Variants in SPACA6 observed in about 807,000 individuals in gnomAD.
SPACA6 encodes sperm acrosome membrane-associated protein 6.
For synonymous variants in SPACA6, 6 were observed against 1.5 expected (o/e 4.05, Z -2.21); for missense variants, 8 against 2.8 (o/e 2.88, Z -1.34).
At chr19:51,705,989 C>T (rs974348390), downstream of SPACA6, among the ~76,000 whole-genome samples, 1 of 152,218 alleles carries the variant, frequency 6.6e-6, no homozygotes, top group Admixed American at 6.5e-5. Flanking sequence ...AGCCACCAAG[C>T]CCGGCCAAGG....
At chr19:51,702,696 G>C (rs2083478723) in intron 4 of SPACA6, 44 bp downstream of exon 4, 1 of 399,064 alleles carries the variant, frequency 2.5e-6, no homozygotes, top group African/African-American at 2.1e-5. Context: ...GGTAAGGGAG[G>C]CGGTCGGGGA....
At chr19:51,690,488 C>G (rs959498163), upstream of SPACA6, among the ~76,000 whole-genome samples, 1 of 152,102 alleles carries the variant, frequency 6.6e-6, no homozygotes, top group African/African-American at 2.4e-5. Context: ...CTCTTTAGCC[C>G]CAGCTGGAGT....
upstream of SPACA6, chr19:51,693,203 C>A (rs2083390734): frequency 6.9e-6 from 4 of 575,576 alleles, no homozygotes; most frequent in East Asian, 1.4e-4. Flanking sequence ...CTGTGCCTAT[C>A]TCCATCTCTG....
upstream of SPACA6, among the ~76,000 whole-genome samples, chr19:51,684,850 G>A (rs563991490): frequency 1.5e-4 from 23 of 152,320 alleles, no homozygotes; most frequent in East Asian, 5.8e-4. Flanking sequence ...AGATCATCTC[G>A]TGATTTTAGG....
In SPACA6 at chr19:51,703,933, A is replaced by G. The variant is rs1417071993; in HGVS notation, c.574-97A>G. 7.6e-6 allele frequency: 3 copies of G among 396,196 alleles called. No homozygotes were observed. Among genetic ancestry groups the G allele is most frequent in the South Asian group, 1.4e-4 (1 of 7,180 alleles). The allele number at this position is 396,196 out of a possible 1,614,324, so 24.5% of individuals were successfully genotyped here. The stretch of plus-strand genomic sequence containing the variant: ...GGGGGCGGGCTCAAGGCTCAGGGCC[A>G]GGACTCCAGGGGGCGTGGTCTGGCT... On this transcript the variant is annotated intron_variant, in intron 6 of 8. Transcript: ENST00000637797. This position sits in a 1 kb window ranked among gnomAD's most constrained non-coding sequence, Gnocchi z 4.2.
chr19:51,694,080 A>C, intron 1 of SPACA6: 1 of 246,774 alleles, frequency 4.1e-6, no homozygotes, highest in Non-Finnish European at 7.3e-6. Context: ...GACACTCGGG[A>C]GGATGGAGAG....
At chr19:51,693,129 A>G (rs1173220127), upstream of SPACA6, 9 of 389,154 alleles carry the variant, frequency 2.3e-5, no homozygotes, top group Non-Finnish European at 4.7e-5. Context: ...GCCCCTCCCG[A>G]TATCTCTCTG....
chr19:51,685,873 T>A (rs2083326027), upstream of SPACA6: 1 of 152,214 alleles, frequency 6.6e-6, no homozygotes, highest in Non-Finnish European at 1.5e-5. Context: ...TGGAATGAAA[T>A]TTTTCACTTC....
chr19:51,688,357 T>C (rs577500381), upstream of SPACA6: 1 of 152,956 alleles, frequency 6.5e-6, no homozygotes, highest in African/African-American at 2.4e-5. Context: ...TCTCTGGAGG[T>C]CCTCTCTGCC....
At chr19:51,698,891 A>G (rs1187045568) in intron 2 of SPACA6, among the ~76,000 whole-genome samples, 1 of 152,214 alleles carries the variant, frequency 6.6e-6, no homozygotes, top group Non-Finnish European at 1.5e-5. Context: ...AAGACTTAAT[A>G]TCCCAGGGAG....
In SPACA6 at chr19:51,693,669, G is replaced by A. The variant is rs1326247292; in HGVS notation, c.143G>A (p.Arg48Gln). 9.7e-6 allele frequency: 4 copies of A among 413,386 alleles called. No individual in the cohort carries two copies. Among genetic ancestry groups the A allele is most frequent in the South Asian group, 1.1e-4 (1 of 9,386 alleles). The allele number at this position is 413,386 out of a possible 1,614,324, so 25.6% of individuals were successfully genotyped here. Residue 48 changes from arginine to glutamine, a missense_variant, in exon 1 of 9, where the codon CGG becomes CAG. Coordinates refer to ENST00000637797, the MANE Select transcript of SPACA6 (RefSeq NM_001316972.2). ...ATCTGCCAGATGTTTGTTGGGATGC[G>A]GAGCCCCAAGCTTGAAGAGTGTGAG... ...LRICQMFVGM[R>Q]SPKLEECEEA...
At chr19:51,705,337 C>A, downstream of SPACA6, 1 of 375,966 alleles carries the variant, frequency 2.7e-6, no homozygotes, top group East Asian at 3.8e-5. Flanking sequence ...CCCAGATACC[C>A]CCTCAGGTTA....
At chr19:51,702,302 CG>C (rs2083474876) in intron 3 of SPACA6, among the ~76,000 whole-genome samples, 3 of 152,138 alleles carry the variant, frequency 2.0e-5, no homozygotes. Flanking sequence ...CTGCAAGGAT[CG>C]CCCAGGATCT....
At chr19:51,691,137 C>G (rs1035041504), upstream of SPACA6, among the ~76,000 whole-genome samples, 1 of 151,792 alleles carries the variant, frequency 6.6e-6, no homozygotes, top group Non-Finnish European at 1.5e-5. Flanking sequence ...TCAAACCACC[C>G]CCACCCCACC....
downstream of SPACA6, chr19:51,712,477 A>G (rs1228802796): frequency 1.3e-5 from 2 of 152,364 alleles, no homozygotes; most frequent in East Asian, 1.9e-4. Flanking sequence ...GAGAGTAACA[A>G]TATGTTCAGA....
At chr19:51,684,076 A>ATG in the SPACA6 span, among the ~76,000 whole-genome samples, 1 of 152,202 alleles carries the variant, frequency 6.6e-6, no homozygotes, top group African/African-American at 2.4e-5. Flanking sequence ...ATGAATGATA[A>ATG]ATATTCTGGT....
rs1440852448 is a variant in SPACA6, at chr19:51,703,734, G to A, written c.574-296G>A. ...GACTGCTTAAGTCCAGGAGTTTGAGGCTGCAGTGAGCTATGATCGCGCCAC... is the reference window on the plus strand; with the variant it reads ...GACTGCTTAAGTCCAGGAGTTTGAGACTGCAGTGAGCTATGATCGCGCCAC... On this transcript the variant is annotated intron_variant, in intron 6 of 8. Coordinates refer to ENST00000637797, the MANE Select transcript of SPACA6 (RefSeq NM_001316972.2). The surrounding 1 kb of genome is among the most constrained non-coding windows in gnomAD (Gnocchi z 4.2). Among the ~76,000 whole-genome samples the A allele has an allele frequency of 2.6e-5, 4 of 152,106 alleles. No homozygotes were observed. The highest frequency in any genetic ancestry group is 6.5e-5 in the Admixed American group (1 of 15,280).
chr19:51,707,456 C>A (rs906820146), downstream of SPACA6, among the ~76,000 whole-genome samples: 5 of 152,054 alleles, frequency 3.3e-5, no homozygotes, highest in Admixed American at 2.6e-4. Context: ...CTCCTGACCT[C>A]AAGTGATTGC....
At chr19:51,690,831 C>A (rs2083363911), upstream of SPACA6, among the ~76,000 whole-genome samples, 1 of 151,900 alleles carries the variant, frequency 6.6e-6, no homozygotes, top group Non-Finnish European at 1.5e-5. Flanking sequence ...CCTCTCCCCT[C>A]ACCCTCCTCC....
Sources: allele counts gnomAD v4.1 joint callset (sites outside exome capture counted in the v4.1 genomes callset), GRCh38; gene constraint gnomAD v4.1.1; non-coding constraint Gnocchi (gnomAD v3.1); transcripts MANE v1.5; gene names NCBI Gene and HGNC (gene_info 2026-07-23, HGNC 2026-07-21).